LNX1: variants seen among roughly 807,000 people sequenced by gnomAD.
The protein encoded by LNX1 is E3 ubiquitin-protein ligase LNX.
In LNX1, 54 loss-of-function variants were observed where a neutral mutation model predicts 68.4. That is an observed-to-expected ratio of 0.79 (90% CI 0.63 to 0.99). The LOEUF (loss-of-function observed/expected upper bound fraction) is 0.99. Ranked by LOEUF, LNX1 falls within the 50% of genes least tolerant of loss-of-function variation. LNX1 has a pLI of 0.00. For missense variants in LNX1, 906 were observed against 926.4 expected, an observed-to-expected ratio of 0.98 and a Z score of 0.29; for synonymous variants, 336 against 350.0, an observed-to-expected ratio of 0.96 and a Z score of 0.45.
At position 53,527,463 on chromosome 4, in the gene LNX1, C is replaced by T. The variant is rs140357471; in HGVS notation, c.381-19236G>A. 1.8e-3 allele frequency among the ~76,000 whole-genome samples: 279 copies of T among 152,254 alleles called. 1 individual carries two copies. The highest frequency in any genetic ancestry group is 6.0e-3 in the African/African-American group (251 of 41,548). On this transcript the variant is annotated intron_variant, in intron 2 of 10. Transcript: ENST00000263925. ...ACACCCATAATTAGTCTCTACGAGC[C>T]TGGTGCTGACTCCTGGTGCTGACTC... is the stretch of plus-strand genomic sequence containing the variant.
intron 1 of LNX1, among the ~76,000 whole-genome samples, chr4:53,645,117 T>A (rs1171593501): frequency 4.6e-5 from 7 of 152,162 alleles, no homozygotes; most frequent in Admixed American, 3.3e-4. Flanking sequence ...GGCTTAACTC[T>A]ATTTTTGCCT....
intron 1 of LNX1, among the ~76,000 whole-genome samples, chr4:53,586,159 A>G (rs1732157715): frequency 6.6e-6 from 1 of 152,176 alleles, no homozygotes; most frequent in South Asian, 2.1e-4. Context: ...GGCCACAGAT[A>G]GAATGGCTGA....
rs570797640 is a variant in LNX1, at chr4:53,512,063, C to T, written c.381-3836G>A. Reference sequence around the variant, plus strand: ...GGGTTCATTAATTGTCCAGTCTGATCTGACTTCAAACAAGAGCTTGCAAAT... The same window carrying T: ...GGGTTCATTAATTGTCCAGTCTGATTTGACTTCAAACAAGAGCTTGCAAAT... On this transcript the variant is annotated intron_variant, in intron 2 of 10. Transcript: ENST00000263925. 6.8e-4 allele frequency among the ~76,000 whole-genome samples: 104 copies of T among 152,240 alleles called. 1 individual carries two copies. Among genetic ancestry groups the T allele is most frequent in the African/African-American group, 2.4e-3 (99 of 41,556 alleles).
At position 53,556,872 on chromosome 4, in the gene LNX1, G is replaced by T. The variant is rs1729950007; in HGVS notation, c.380+16751C>A. Among the ~76,000 whole-genome samples the T allele has an allele frequency of 2.0e-5, 3 of 152,204 alleles. No individual in the cohort carries two copies. In the South Asian group the frequency reaches 6.2e-4, roughly 31 times the overall value. ...AGCACTATCTAATGTGACCAGACAAGCTTTTCTGATCTGAACTCTATGAAC... is the reference window on the plus strand; with the variant it reads ...AGCACTATCTAATGTGACCAGACAATCTTTTCTGATCTGAACTCTATGAAC... On this transcript the variant is annotated intron_variant, in intron 2 of 10. Coordinates refer to ENST00000263925, the MANE Select transcript of LNX1 (RefSeq NM_001126328.3).
chr4:53,567,749 C>T (rs1342817468), intron 2 of LNX1, among the ~76,000 whole-genome samples: 1 of 151,774 alleles, frequency 6.6e-6, no homozygotes, highest in African/African-American at 2.4e-5. Context: ...AGACTGCTAA[C>T]AAGACTAATA....
intron 2 of LNX1, among the ~76,000 whole-genome samples, chr4:53,513,320 T>C (rs371176467): frequency 6.6e-6 from 1 of 152,134 alleles, no homozygotes; most frequent in Non-Finnish European, 1.5e-5. Context: ...CTATTAGTTA[T>C]ACCACCTCAC....
At chr4:53,491,927 A>T (rs929545497) in intron 6 of LNX1, among the ~76,000 whole-genome samples, 5 of 151,500 alleles carry the variant, frequency 3.3e-5, no homozygotes, top group Non-Finnish European at 5.9e-5. Flanking sequence ...AGCTGGGATC[A>T]CAGGCGTGCG....
intron 4 of LNX1, 26 bp downstream of exon 4, chr4:53,507,291 T>C (rs1425567437): frequency 5.0e-6 from 8 of 1,607,886 alleles, no homozygotes; most frequent in Admixed American, 1.7e-5. Context: ...CCCATGTCCA[T>C]CCAGCCTTAT....
At chr4:53,461,157 A>C (rs1722020567) in intron 10 of LNX1, 115 bp from the exon 11 acceptor site, 2 of 833,822 alleles carry the variant, frequency 2.4e-6, no homozygotes, top group Non-Finnish European at 3.6e-6. Flanking sequence ...TAATTATGTT[A>C]ACTTCTAATT....
intron 4 of LNX1, among the ~76,000 whole-genome samples, chr4:53,501,269 G>A (rs1725454795): frequency 8.1e-6 from 1 of 123,530 alleles, no homozygotes; most frequent in Non-Finnish European, 1.6e-5. Context: ...CTATGAAATA[G>A]ATGATAATAA....
intron 1 of LNX1, among the ~76,000 whole-genome samples, chr4:53,624,453 A>G (rs1734001144): frequency 6.6e-6 from 1 of 152,172 alleles, no homozygotes. Context: ...GTCTTTCGCC[A>G]TCTGCCATGA....
chr4:53,635,282 G>A (rs1360508710), intron 1 of LNX1, among the ~76,000 whole-genome samples: 5 of 152,194 alleles, frequency 3.3e-5, no homozygotes, highest in Admixed American at 3.3e-4. Flanking sequence ...GAGAAGGAAA[G>A]CACTGACGTT....
intron 4 of LNX1, among the ~76,000 whole-genome samples, chr4:53,499,617 A>G (rs922048697): frequency 4.6e-5 from 7 of 152,250 alleles, no homozygotes. Context: ...AATGGAATGA[A>G]TTGCAGTTTT....
intron 6 of LNX1, among the ~76,000 whole-genome samples, chr4:53,483,482 C>T (rs989727804): frequency 4.6e-5 from 7 of 152,196 alleles, no homozygotes; most frequent in Non-Finnish European, 7.3e-5. Flanking sequence ...AGCTGCAGGT[C>T]ATTCAGACTA....
intron 2 of LNX1, among the ~76,000 whole-genome samples, chr4:53,542,591 G>A (rs573729613): frequency 2.2e-4 from 33 of 152,284 alleles, no homozygotes; most frequent in African/African-American, 7.9e-4. Context: ...TGCCATAGAG[G>A]ACAGAGGCAA....
At chr4:53,576,445 C>A in intron 1 of LNX1, 99 of 1,415,706 alleles carry the variant, frequency 7.0e-5, no homozygotes, top group Non-Finnish European at 8.3e-5. Flanking sequence ...CAGATGGTGC[C>A]AAAGTGCAGC....
chr4:53,460,947 A>ATTC lies in LNX1; in HGVS notation c.2144_2146dup (p.Arg715dup), dbSNP rs767010011. On this transcript the variant is annotated inframe_insertion, in exon 11 of 11. Transcript: ENST00000263925. ...AGGCCAAGAAACAATAGTTAGAGTA[A>ATTC]TTCTTCCTTTAAGTTCTTTCAGCAG... The ATTC allele has an allele frequency of 2.8e-5, 45 of 1,611,230 alleles. No individual in the cohort carries two copies. Among genetic ancestry groups the ATTC allele is most frequent in the Non-Finnish European group, 3.5e-5 (41 of 1,178,800 alleles).
At position 53,507,974 on chromosome 4, in the gene LNX1, C is replaced by T. The variant is rs1401261400; in HGVS notation, c.622+12G>A. The T allele has an allele frequency of 3.1e-6, 5 of 1,606,690 alleles. No homozygotes were observed. The highest frequency in any genetic ancestry group is 4.3e-6 in the Non-Finnish European group (5 of 1,173,956). On this transcript the variant is annotated intron_variant, in intron 3 of 10. Transcript: ENST00000263925. Reference sequence around the variant, plus strand: ...AGGAGCCCATTCCCGGACAACCACCCATTTGACTCACCCCTAGTTCGGTTG... The same window carrying T: ...AGGAGCCCATTCCCGGACAACCACCTATTTGACTCACCCCTAGTTCGGTTG...
At chr4:53,567,822 C>T (rs4864472) in intron 2 of LNX1, among the ~76,000 whole-genome samples, 1,665 of 151,814 alleles carry the variant, frequency 0.011, 26 homozygotes, top group African/African-American at 0.037. Flanking sequence ...ATATCACCAC[C>T]GATCCCACAG....
Sources: allele counts gnomAD v4.1 joint callset (sites outside exome capture counted in the v4.1 genomes callset), GRCh38; gene constraint gnomAD v4.1.1; transcripts MANE v1.5; gene names NCBI Gene and HGNC (gene_info 2026-07-23, HGNC 2026-07-21).